Variants in SLC39A12 observed in about 807,000 individuals in gnomAD.
SLC39A12 encodes zinc transporter ZIP12.
Under a neutral mutation model 71.1 loss-of-function variants are expected in SLC39A12, and 63 were observed. The ratio of observed to expected loss-of-function variants is 0.89; its 90% confidence interval spans 0.72 to 1.09. The LOEUF (loss-of-function observed/expected upper bound fraction) is 1.09. Among genes scored for constraint, SLC39A12 ranks in the 50% least tolerant of loss-of-function variants. The probability of loss-of-function intolerance (pLI) is 0.00; values close to 1 mark genes in which losing one functional copy is unlikely to be tolerated. For missense variants in SLC39A12, 892 were observed against 812.6 expected (o/e 1.10, Z -1.19); for synonymous variants, 351 against 301.3 (o/e 1.16, Z -1.71).
intron 2 of SLC39A12, among the ~76,000 whole-genome samples, chr10:17,957,805 C>A (rs147549075): frequency 6.6e-6 from 1 of 152,274 alleles, no homozygotes; most frequent in East Asian, 1.9e-4. Flanking sequence ...TGTATTCTTT[C>A]CTCAAGCCAC....
At chr10:17,953,609 T>A in intron 2 of SLC39A12, 72 bp downstream of exon 2, 1 of 1,518,442 alleles carries the variant, frequency 6.6e-7, no homozygotes, top group East Asian at 2.3e-5. Flanking sequence ...TAGGGATTTA[T>A]TTCAGTAAAG....
At chr10:17,963,769 T>A (rs1834752628) in intron 3 of SLC39A12, among the ~76,000 whole-genome samples, 2 of 152,170 alleles carry the variant, frequency 1.3e-5, no homozygotes, top group African/African-American at 4.8e-5. Flanking sequence ...ATTACTTGAA[T>A]TTCCAGGTCT....
At chr10:18,015,037 C>T (rs1361814098) in intron 12 of SLC39A12, among the ~76,000 whole-genome samples, 1 of 152,176 alleles carries the variant, frequency 6.6e-6, no homozygotes. Context: ...GCAGTTCATG[C>T]ACTTTTTGGA....
chr10:17,985,450 G>GTT (rs34451787), intron 6 of SLC39A12, among the ~76,000 whole-genome samples: 154 of 149,500 alleles, frequency 1.0e-3, no homozygotes, highest in African/African-American at 3.5e-3. Flanking sequence ...TAAGAGGATA[G>GTT]TTTTTTTTTT....
chr10:18,022,314 T>C (rs1836555237), intron 12 of SLC39A12, among the ~76,000 whole-genome samples: 1 of 152,072 alleles, frequency 6.6e-6, no homozygotes, highest in Non-Finnish European at 1.5e-5. Flanking sequence ...AGAGGTTTTG[T>C]TTATTTTTTT....
chr10:18,016,985 T>A (rs1836403591), intron 12 of SLC39A12, among the ~76,000 whole-genome samples: 1 of 152,186 alleles, frequency 6.6e-6, no homozygotes, highest in South Asian at 2.1e-4. Flanking sequence ...CTGTGGCTTA[T>A]CTTCTCATTC....
Position 17,995,652 on chromosome 10 carries a change from A to G in SLC39A12, c.1534-4A>G. 3 of 1,610,628 alleles carry G rather than the reference A, an allele frequency of 1.9e-6. No individual in the cohort carries two copies. The highest frequency in any genetic ancestry group is 2.2e-5 in the South Asian group (2 of 90,322). The stretch of plus-strand genomic sequence containing the variant: ...TTCATCAGTTATTTTTTAATTTAAA[A>G]TAGAAAAGCCCAGAAGATTCACAGG... On this transcript the variant is annotated splice_region_variant and splice_polypyrimidine_tract_variant and intron_variant, in intron 9 of 12. Coordinates refer to ENST00000377369, the MANE Select transcript of SLC39A12 (RefSeq NM_001145195.2).
intron 3 of SLC39A12, among the ~76,000 whole-genome samples, chr10:17,962,268 T>C (rs1834710339): frequency 6.6e-6 from 1 of 152,330 alleles, no homozygotes; most frequent in Middle Eastern, 3.4e-3. Flanking sequence ...ATTTTGAAAG[T>C]GATAAATTAT....
intron 4 of SLC39A12, among the ~76,000 whole-genome samples, chr10:17,968,372 A>C (rs1237573065): frequency 6.6e-5 from 10 of 152,114 alleles, no homozygotes; most frequent in Admixed American, 4.6e-4. Context: ...AATGAGAAAA[A>C]ATATATTTAT....
chr10:17,981,243 T>C, intron 5 of SLC39A12, 69 bp from the exon 6 acceptor site: 1 of 1,397,684 alleles, frequency 7.2e-7, no homozygotes, highest in Non-Finnish European at 9.8e-7. Flanking sequence ...TCCTCAAGGA[T>C]GACAACTGGT....
At chr10:17,961,367 G>T (rs1444737542) in intron 2 of SLC39A12, among the ~76,000 whole-genome samples, 4 of 152,186 alleles carry the variant, frequency 2.6e-5, no homozygotes, top group African/African-American at 9.7e-5. Flanking sequence ...TCTAGTTGGA[G>T]ACAGGAATTA....
chr10:17,973,045 A>G (rs960818436), intron 4 of SLC39A12, among the ~76,000 whole-genome samples: 1 of 152,062 alleles, frequency 6.6e-6, no homozygotes, highest in East Asian at 1.9e-4. Flanking sequence ...ATACTATCTT[A>G]TAATCCATTA....
chr10:18,039,650 C>T (rs940237704), intron 12 of SLC39A12, among the ~76,000 whole-genome samples: 10 of 152,050 alleles, frequency 6.6e-5, no homozygotes, highest in African/African-American at 2.4e-4. Context: ...ATTGCTTGAG[C>T]CCAGGAGTTC....
chr10:18,017,154 A>G (rs1021463189), intron 12 of SLC39A12, among the ~76,000 whole-genome samples: 3 of 152,166 alleles, frequency 2.0e-5, no homozygotes, highest in African/African-American at 7.2e-5. Context: ...AATGAAGCCC[A>G]GCTTATGAAT....
chr10:17,992,847 T>A (rs1835589087), intron 8 of SLC39A12, among the ~76,000 whole-genome samples: 1 of 152,242 alleles, frequency 6.6e-6, no homozygotes, highest in Admixed American at 6.5e-5. Context: ...TGAATACATT[T>A]CCAGAGACAT....
In SLC39A12 at chr10:17,981,360, C is replaced by G. The variant is rs146367461; in HGVS notation, c.973C>G (p.Leu325Val). 4 of 1,613,378 alleles carry G rather than the reference C, an allele frequency of 2.5e-6. No individual in the cohort carries two copies. In the South Asian group the frequency reaches 3.3e-5, roughly 13 times the overall value. The change falls in exon 6 of 13, where the codon CTC (leucine) becomes GTC (valine). Residue 325 changes from leucine to valine, a missense_variant. Coordinates refer to ENST00000377369, the MANE Select transcript of SLC39A12 (RefSeq NM_001145195.2). ...GGTGGAGATATTTCTACAGAAGGGC[C>G]TCTCACTCATTTCTAAGGAGGACTT... is the stretch of plus-strand genomic sequence containing the variant. Reference protein sequence around the residue: ...QLVEIFLQKGLSLISKEDFKQ... With the variant: ...QLVEIFLQKGVSLISKEDFKQ...
intron 12 of SLC39A12, among the ~76,000 whole-genome samples, chr10:18,036,053 C>T (rs916710953): frequency 2.0e-5 from 3 of 152,236 alleles, no homozygotes; most frequent in African/African-American, 7.2e-5. Flanking sequence ...CTCTTCAAAG[C>T]TGTCAGGCAG....
At chr10:18,024,486 C>T (rs1054245522) in intron 12 of SLC39A12, among the ~76,000 whole-genome samples, 6 of 152,248 alleles carry the variant, frequency 3.9e-5, no homozygotes, top group African/African-American at 1.2e-4. Flanking sequence ...GGTCCACTTC[C>T]GTCCCTAGTG....
At chr10:17,986,726 A>T (rs188198998) in intron 6 of SLC39A12, among the ~76,000 whole-genome samples, 16 of 152,312 alleles carry the variant, frequency 1.1e-4, no homozygotes, top group African/African-American at 3.8e-4. Flanking sequence ...CACTTATAAG[A>T]CTGGGTGCTG....
Sources: gnomAD v4.1 joint callset for allele counts (sites outside exome capture counted in the v4.1 genomes callset) on GRCh38, gnomAD v4.1.1 for gene constraint, MANE v1.5 for transcripts, NCBI Gene and HGNC (gene_info 2026-07-23, HGNC 2026-07-21) for gene names.